Variants in CELF1 observed in about 807,000 individuals in gnomAD.
CELF1 encodes the protein CUGBP Elav-like family member 1.
Under a neutral mutation model 61.8 loss-of-function variants are expected in CELF1, and 10 were observed. The observed-to-expected ratio is 0.16, with a 90% CI of 0.10 to 0.27. The LOEUF is 0.27. Ranked by LOEUF, CELF1 falls within the 10% of genes least tolerant of loss-of-function variation. The pLI is 1.00. For synonymous variants in CELF1, 236 were observed against 225.1 expected (o/e 1.05, Z -0.43); for missense variants, 380 against 639.1 (o/e 0.59, Z 4.37).
intron 1 of CELF1, among the ~76,000 whole-genome samples, chr11:47,527,812 C>G (rs1426960742): frequency 3.3e-5 from 5 of 152,144 alleles, no homozygotes; most frequent in Admixed American, 3.3e-4. Flanking sequence ...TAACACAAAG[C>G]AGGCCAGGTG....
In CELF1 at chr11:47,545,850, C is replaced by T. The variant is rs867691168; in HGVS notation, c.-154+7142G>A. Among the ~76,000 whole-genome samples, 1,041 of 124,116 alleles carry T rather than the reference C, an allele frequency of 8.4e-3. 15 individuals are homozygous for T. Among genetic ancestry groups the T allele is most frequent in the African/African-American group, 0.027 (936 of 34,452 alleles). The allele number at this position is 124,116 out of a possible 152,430, so 81.4% of individuals were successfully genotyped here. A position where few individuals can be genotyped will look rare whatever the true frequency, so the allele number is the denominator to read the frequency against. On this transcript the variant is annotated intron_variant, in intron 1 of 14. Coordinates refer to ENST00000687097, the MANE Select transcript of CELF1 (RefSeq NM_001376376.1). The stretch of plus-strand genomic sequence containing the variant: ...CCAGCCCCTCTCTCTCATATGTATA[C>T]GTGTGTGTGTGTGTGTCTGCGTGTG...
intron 1 of CELF1, among the ~76,000 whole-genome samples, chr11:47,528,048 A>G (rs886292496): frequency 6.6e-6 from 1 of 152,216 alleles, no homozygotes; most frequent in Non-Finnish European, 1.5e-5. Context: ...GTGAGCCAGG[A>G]TCACACCATT....
chr11:47,483,975 T>A (rs1216656037), intron 7 of CELF1, among the ~76,000 whole-genome samples: 1 of 152,174 alleles, frequency 6.6e-6, no homozygotes, highest in East Asian at 1.9e-4. Context: ...AGGCCCAACC[T>A]CTTTATCTTG....
Position 47,499,481 on chromosome 11 carries a change from C to T in CELF1, c.43G>A (p.Asp15Asn). ...GGACTGGAATTCAAAGAGCAATGAT[C>T]CACCATCATTTCTGGAAGGAAATCC... ...KLDFLPEMMV[D>N]HCSLNSSPVS... The change falls in exon 3 of 15, where the codon GAT (aspartate) becomes AAT (asparagine). Residue 15 changes from aspartate (D) to asparagine (N), a missense_variant. Physicochemically the swap from Asp to Asn is conservative, Grantham distance 23 (BLOSUM62 1). Coordinates refer to ENST00000687097, the MANE Select transcript of CELF1 (RefSeq NM_001376376.1). 3 of 1,535,908 alleles carry T rather than the reference C, an allele frequency of 2.0e-6. No homozygotes were observed. The highest frequency in any genetic ancestry group is 1.7e-6 in the Non-Finnish European group (2 of 1,146,724).
At chr11:47,481,692 T>G (rs2083349921) in intron 9 of CELF1, among the ~76,000 whole-genome samples, 1 of 152,212 alleles carries the variant, frequency 6.6e-6, no homozygotes. Context: ...TTAACTGTCT[T>G]GTGCTGGCCC....
chr11:47,532,621 G>GA (rs2096516350), intron 1 of CELF1, among the ~76,000 whole-genome samples: 1 of 152,150 alleles, frequency 6.6e-6, no homozygotes, highest in Non-Finnish European at 1.5e-5. Context: ...AGAAACAACA[G>GA]AACAGTGCTG....
intron 13 of CELF1, among the ~76,000 whole-genome samples, chr11:47,473,907 T>C (rs904282760): frequency 6.6e-5 from 6 of 90,964 alleles, no homozygotes; most frequent in Non-Finnish European, 1.2e-4. Context: ...TTTTCTTTTT[T>C]TTTCTTTCTT....
intron 1 of CELF1, among the ~76,000 whole-genome samples, chr11:47,533,449 C>A (rs138754378): frequency 6.0e-4 from 91 of 152,136 alleles, no homozygotes; most frequent in African/African-American, 2.1e-3. Context: ...TGGTGAAACC[C>A]CCTCTCTACT....
chr11:47,482,962 C>A, intron 8 of CELF1, 106 bp from the exon 9 acceptor site: 1 of 955,326 alleles, frequency 1.0e-6, no homozygotes, highest in Non-Finnish European at 1.6e-6. Flanking sequence ...TCATTCACTG[C>A]CAAATGATTC....
intron 2 of CELF1, among the ~76,000 whole-genome samples, chr11:47,561,442 CA>C (rs35506289): frequency 4.7e-4 from 34 of 72,852 alleles, no homozygotes; most frequent in African/African-American, 2.1e-3. Flanking sequence ...GACTCCGTCT[CA>C]AAAAAAAAAA....
chr11:47,546,632 A>G (rs1465695162), intron 1 of CELF1, among the ~76,000 whole-genome samples: 1 of 152,196 alleles, frequency 6.6e-6, no homozygotes, highest in Non-Finnish European at 1.5e-5. Flanking sequence ...ACAGATTTAC[A>G]AATTTATCTG....
chr11:47,514,564 ATC>A (rs2095440488), intron 1 of CELF1, among the ~76,000 whole-genome samples: 1 of 151,746 alleles, frequency 6.6e-6, no homozygotes, highest in East Asian at 1.9e-4. Flanking sequence ...ATTTTTAAAA[ATC>A]TCTTTTTGGC....
chr11:47,520,764 T>C (rs1242670252), intron 1 of CELF1, among the ~76,000 whole-genome samples: 1 of 152,064 alleles, frequency 6.6e-6, no homozygotes, highest in Non-Finnish European at 1.5e-5. Flanking sequence ...TGAGCCAAGA[T>C]TGTGCCACTG....
At chr11:47,476,994 C>T (rs1158915223) in intron 11 of CELF1, 35 bp from the exon 12 acceptor site, 1 of 1,532,976 alleles carries the variant, frequency 6.5e-7, no homozygotes, top group African/African-American at 1.4e-5. Context: ...TTCAACCCAT[C>T]ACTGGCATTC....
At chr11:47,538,425 C>T (rs1156678617) in intron 1 of CELF1, among the ~76,000 whole-genome samples, 2 of 152,076 alleles carry the variant, frequency 1.3e-5, no homozygotes, top group African/African-American at 2.4e-5. Flanking sequence ...GGGCAGATCA[C>T]GAGGTCAGTA....
chr11:47,471,520 C>T lies in CELF1; in HGVS notation c.*710G>A, dbSNP rs2077702019. 1 of 152,192 alleles carries T rather than the reference C, an allele frequency of 6.6e-6. No individual in the cohort carries two copies. Among genetic ancestry groups the T allele is most frequent in the African/African-American group, 2.4e-5 (1 of 41,438 alleles). The allele number at this position is 152,192 out of a possible 1,614,324, so 9.4% of individuals were successfully genotyped here. On this transcript the variant is annotated 3_prime_UTR_variant, in exon 15 of 15. Coordinates refer to ENST00000687097, the MANE Select transcript of CELF1 (RefSeq NM_001376376.1). ...GCTCGTAATGGGTGATGCCGCCCTG[C>T]TTTTTGCATATGTCAGGCTAACAGG...
intron 1 of CELF1, among the ~76,000 whole-genome samples, chr11:47,514,644 C>T (rs2095445807): frequency 6.9e-6 from 1 of 144,068 alleles, no homozygotes; most frequent in South Asian, 2.1e-4. Context: ...TCTCTAGCAC[C>T]CAGGAGTTTG....
intron 2 of CELF1, among the ~76,000 whole-genome samples, chr11:47,559,891 G>A (rs11039297): frequency 0.23 from 34,645 of 151,570 alleles, 5,032 homozygotes; most frequent in South Asian, 0.46. Context: ...AATCCCAGCT[G>A]CTCAGGAGGC....
chr11:47,559,997 A>C (rs1172751943), intron 2 of CELF1, among the ~76,000 whole-genome samples: 3 of 141,634 alleles, frequency 2.1e-5, no homozygotes, highest in Non-Finnish European at 4.6e-5. Context: ...GCAAGACTCT[A>C]TCTCAAAAAA....
Sources: allele counts gnomAD v4.1 joint callset (sites outside exome capture counted in the v4.1 genomes callset), GRCh38; gene constraint gnomAD v4.1.1; transcripts MANE v1.5; gene names NCBI Gene and HGNC (gene_info 2026-07-23, HGNC 2026-07-21).